The following SH3D19 variants were observed in gnomAD, a reference collection of about 807,000 sequenced individuals.
The protein encoded by SH3D19 is SH3 domain containing 19.
SH3D19 carries 58 observed loss-of-function variants against 112.1 expected under a neutral mutation model. The observed-to-expected ratio is 0.52, with a 90% CI of 0.42 to 0.64. The LOEUF (loss-of-function observed/expected upper bound fraction) is 0.64, where lower values mean the gene tolerates loss of function less well. SH3D19 is among the 30% of genes least tolerant of loss of function. The pLI, the probability that SH3D19 is intolerant of heterozygous loss-of-function variation, is 0.00. For missense variants in SH3D19, 1,090 were observed against 1,263.4 expected (o/e 0.86, Z 2.08); for synonymous variants, 391 against 448.5 (o/e 0.87, Z 1.62).
chr4:151,139,900 T>C, intron 12 of SH3D19, 53 bp from the exon 13 acceptor site: 5 of 1,573,052 alleles, frequency 3.2e-6, no homozygotes, highest in Non-Finnish European at 4.4e-6. Context: ...ATGGTGGATT[T>C]ATTATTCACT....
chr4:151,143,598 T>C (rs1266542251), intron 12 of SH3D19, among the ~76,000 whole-genome samples: 1 of 152,082 alleles, frequency 6.6e-6, no homozygotes, highest in Non-Finnish European at 1.5e-5. Flanking sequence ...TTGATCACTA[T>C]TATTTTTCAT....
chr4:151,317,018 T>G (rs1016133571), intron 1 of SH3D19, among the ~76,000 whole-genome samples: 1 of 152,244 alleles, frequency 6.6e-6, no homozygotes, highest in Non-Finnish European at 1.5e-5. Context: ...TGTCTTCCAC[T>G]GATGAAGGGG....
chr4:151,140,056 C>A, intron 12 of SH3D19: 1 of 486,108 alleles, frequency 2.1e-6, no homozygotes, highest in Non-Finnish European at 3.6e-6. Flanking sequence ...GGATGAAAAT[C>A]TCAATTAAAA....
At chr4:151,137,970 G>T in intron 13 of SH3D19, 108 bp from the exon 14 acceptor site, 1 of 838,650 alleles carries the variant, frequency 1.2e-6, no homozygotes, top group Non-Finnish European at 1.7e-6. Context: ...ATGTTCCACT[G>T]ATTCTGAGAA....
At chr4:151,233,110 T>C (rs1769743662) in intron 1 of SH3D19, among the ~76,000 whole-genome samples, 1 of 151,926 alleles carries the variant, frequency 6.6e-6, no homozygotes, top group Admixed American at 6.6e-5. Context: ...AGGCTTTGTG[T>C]TCCTTATGAG....
chr4:151,135,423 T>TTC (rs1258493937), intron 14 of SH3D19, among the ~76,000 whole-genome samples: 1 of 138,446 alleles, frequency 7.2e-6, no homozygotes, highest in Non-Finnish European at 1.6e-5. Flanking sequence ...TCTATCTCAT[T>TTC]TTTTTTTTTT....
intron 17 of SH3D19, among the ~76,000 whole-genome samples, chr4:151,131,301 T>C (rs1381992013): frequency 6.6e-6 from 1 of 151,480 alleles, no homozygotes; most frequent in Admixed American, 6.6e-5. Flanking sequence ...TTTCTCTCTT[T>C]TTTTTTTAAC....
At chr4:151,311,058 T>A (rs1487930180) in intron 1 of SH3D19, among the ~76,000 whole-genome samples, 1 of 149,856 alleles carries the variant, frequency 6.7e-6, no homozygotes, top group Non-Finnish European at 1.5e-5. Flanking sequence ...CTATTGTGAA[T>A]AATGCTGCAG....
At chr4:151,258,653 G>T (rs1018375808) in intron 1 of SH3D19, among the ~76,000 whole-genome samples, 1 of 152,170 alleles carries the variant, frequency 6.6e-6, no homozygotes, top group Non-Finnish European at 1.5e-5. Context: ...GACAGCAGGG[G>T]ACGCCGCAGA....
At chr4:151,317,975 A>G (rs955344572) in intron 1 of SH3D19, among the ~76,000 whole-genome samples, 1 of 149,336 alleles carries the variant, frequency 6.7e-6, no homozygotes, top group Non-Finnish European at 1.5e-5. Context: ...TGGGCAACAG[A>G]GCGAGGCTGT....
At chr4:151,190,774 A>C (rs185319085) in intron 2 of SH3D19, among the ~76,000 whole-genome samples, 2 of 152,322 alleles carry the variant, frequency 1.3e-5, no homozygotes, top group East Asian at 3.9e-4. Context: ...GGCAGTGCAG[A>C]AGGGAAATGT....
At chr4:151,234,735 GTTTTTTTTTTTTTT>G (rs541665981) in intron 1 of SH3D19, among the ~76,000 whole-genome samples, 1 of 25,080 alleles carries the variant, frequency 4.0e-5, no homozygotes, top group African/African-American at 9.3e-5. Flanking sequence ...CCAAGTTTGT[GTTTTTTTTTTTTTT>G]TTTTTTTTTT....
intron 4 of SH3D19, among the ~76,000 whole-genome samples, chr4:151,177,405 C>T (rs992461534): frequency 4.0e-5 from 6 of 151,672 alleles, no homozygotes; most frequent in Non-Finnish European, 7.4e-5. Flanking sequence ...AGTGGTGACG[C>T]GATCTCAATC....
chr4:151,180,013 G>T (rs1760595768), intron 3 of SH3D19, among the ~76,000 whole-genome samples: 1 of 152,152 alleles, frequency 6.6e-6, no homozygotes, highest in African/African-American at 2.4e-5. Flanking sequence ...CTCCCAAGTA[G>T]CTGGGACTAC....
rs762760845 is a variant in SH3D19, at chr4:151,149,528, C to T, written c.1789G>A (p.Val597Met). 1.2e-6 allele frequency: 2 copies of T among 1,611,560 alleles called. No homozygotes were observed. The highest frequency in any genetic ancestry group is 2.2e-5 in the South Asian group (2 of 90,470). ...SNHPGQTGGF[V>M]RVPPRLPPRP... Reference sequence around the variant, plus strand: ...GGTGGCAACCTTGGGGGTACTCGCACAAAACCTCCTGTTTGACCTGGGTGG... The same window carrying T: ...GGTGGCAACCTTGGGGGTACTCGCATAAAACCTCCTGTTTGACCTGGGTGG... Residue 597 changes from valine to methionine, a missense_variant, in exon 10 of 20, where the codon GTG becomes ATG. Transcript: ENST00000604030.
At position 151,132,337 on chromosome 4, in the gene SH3D19, G is replaced by A. The variant is rs1750902703; in HGVS notation, c.2736C>T (p.Asn912=). Residue 912 remains asparagine (N), a synonymous_variant, in exon 17 of 20, where the codon AAC becomes AAT. Transcript: ENST00000604030. ...LKTKKEDSGS[N]SQVNSLPAEW... ...ATCTGTTCAAGCAGCCTACCTGAGA[G>A]TTTGAGCCAGAATCTTCTTTTTTGG... 6 of 1,614,042 alleles carry A rather than the reference G, an allele frequency of 3.7e-6. No homozygotes were observed. Among genetic ancestry groups the A allele is most frequent in the Non-Finnish European group, 5.1e-6 (6 of 1,179,956 alleles).
chr4:151,282,241 C>G, intron 1 of SH3D19: 1 of 1,613,960 alleles, frequency 6.2e-7, no homozygotes, highest in South Asian at 1.1e-5. Flanking sequence ...CCAAAATCGT[C>G]ATCCATCCCA....
chr4:151,321,075 T>C (rs911825287), intron 1 of SH3D19, among the ~76,000 whole-genome samples: 9 of 152,088 alleles, frequency 5.9e-5, no homozygotes, highest in Admixed American at 6.6e-5. Context: ...CATGTAACAA[T>C]ACAAATAAAT....
At chr4:151,250,638 G>A (rs1231122537) in intron 1 of SH3D19, among the ~76,000 whole-genome samples, 1 of 152,058 alleles carries the variant, frequency 6.6e-6, no homozygotes, top group Non-Finnish European at 1.5e-5. Context: ...AATTTTTTTA[G>A]TAATTGTAAA....
Sources: allele counts gnomAD v4.1 joint callset (sites outside exome capture counted in the v4.1 genomes callset), GRCh38; gene constraint gnomAD v4.1.1; transcripts MANE v1.5; gene names NCBI Gene and HGNC (gene_info 2026-07-23, HGNC 2026-07-21).